Variants in ZFAND2B observed in about 807,000 individuals in gnomAD.
ZFAND2B encodes AN1-type zinc finger protein 2B.
A neutral mutation model predicts 38.2 loss-of-function variants in ZFAND2B; 27 were observed. The observed-to-expected ratio is 0.71, with a 90% CI of 0.52 to 0.97. The LOEUF (loss-of-function observed/expected upper bound fraction) is 0.97. Ranked by LOEUF, ZFAND2B falls within the 50% of genes least tolerant of loss-of-function variation. The probability of loss-of-function intolerance (pLI) is 0.00; values close to 1 mark genes in which losing one functional copy is unlikely to be tolerated. For missense variants in ZFAND2B, 303 were observed against 331.5 expected, an observed-to-expected ratio of 0.91 and a Z score of 0.67; for synonymous variants, 111 against 119.4, an observed-to-expected ratio of 0.93 and a Z score of 0.46.
rs1950491746 is a variant in ZFAND2B at position 219,206,925 on chromosome 2, G to A, written c.-63G>A. On this transcript the variant is annotated 5_prime_UTR_variant, in exon 1 of 9. Coordinates refer to ENST00000289528, the MANE Select transcript of ZFAND2B (RefSeq NM_138802.3). ...TGCGGGGTCGCGGTGCGGACTTCGA[G>A]CACGAGCCCTAAAGACGCTCAGCAC... The A allele has an allele frequency of 1.3e-6, 2 of 1,575,150 alleles. No individual in the cohort carries two copies. The highest frequency in any genetic ancestry group is 1.4e-5 in the African/African-American group (1 of 73,818).
At position 219,208,306 on chromosome 2, in the gene ZFAND2B, C is replaced by T. The variant is rs1287142230; in HGVS notation, c.485C>T (p.Pro162Leu). 6.2e-7 allele frequency: 1 copy of T among 1,614,044 alleles called. No homozygotes were observed. Among genetic ancestry groups the T allele is most frequent in the Non-Finnish European group, 8.5e-7 (1 of 1,180,046 alleles). Residue 162 changes from proline to leucine, a missense_variant, in exon 5 of 9, where the codon CCC becomes CTC. Coordinates refer to ENST00000289528, the MANE Select transcript of ZFAND2B (RefSeq NM_138802.3). ...GCTGTGGCTTCTACAAGCACTGTCC[C>T]CAGCCCAAGTCAAACCATGCCTTCC... Reference protein sequence around the residue: ...AQAVASTSTVPSPSQTMPSCT... With the variant: ...AQAVASTSTVLSPSQTMPSCT...
chr2:219,208,823 A>T, intron 7 of ZFAND2B, 154 bp from the exon 8 acceptor site: 1 of 1,034,130 alleles, frequency 9.7e-7, no homozygotes, highest in South Asian at 1.5e-5. Flanking sequence ...CCTCTATAAA[A>T]CGGGGACAAT....
Position 219,209,560 on chromosome 2 carries a change from C to G in ZFAND2B, c.*254C>G, listed in dbSNP as rs1950547054. 1 of 693,006 alleles carries G rather than the reference C, an allele frequency of 1.4e-6. No individual in the cohort carries two copies. The allele number at this position is 693,006 out of a possible 1,614,324, so 42.9% of individuals were successfully genotyped here. ...CCTACTCTTAGCCCCTTCATCATGT[C>G]ATCTCCCTTATGCTGGAGCTGCCCC... On this transcript the variant is annotated 3_prime_UTR_variant, in exon 9 of 9. Coordinates refer to ENST00000289528, the MANE Select transcript of ZFAND2B (RefSeq NM_138802.3).
In ZFAND2B at chr2:219,207,310, C is replaced by T. The variant is rs930447486; in HGVS notation, c.56-17C>T. 6.2e-7 allele frequency: 1 copy of T among 1,612,780 alleles called. No homozygotes were observed. The highest frequency in any genetic ancestry group is 8.5e-7 in the Non-Finnish European group (1 of 1,178,776). On this transcript the variant is annotated splice_polypyrimidine_tract_variant and intron_variant, in intron 1 of 8. Transcript: ENST00000289528. ...TCGAGGTCCCGCTGGACCTGCAATC[C>T]GACCAACTCTTTGCAGATTTTCTGC...
In ZFAND2B at chr2:219,208,593, C is replaced by T. The variant is rs745481290; in HGVS notation, c.610C>T (p.Arg204Trp). The T allele has an allele frequency of 2.5e-6, 4 of 1,614,146 alleles. No homozygotes were observed. The highest frequency in any genetic ancestry group is 2.2e-5 in the East Asian group (1 of 44,890). The change falls in exon 7 of 9, where the codon CGG becomes TGG. Residue 204 changes from arginine to tryptophan, a missense_variant. Physicochemically the swap from Arg to Trp is moderately radical, Grantham distance 101. Transcript: ENST00000289528. ...GTAGAGTGAGGATGAAGCTCTGCAGCGGGCCCTGGAAATGTCCCTGGCAGA... is the reference window on the plus strand; with the variant it reads ...GTAGAGTGAGGATGAAGCTCTGCAGTGGGCCCTGGAAATGTCCCTGGCAGA... ...NGLSEDEALQ[R>W]ALEMSLAETK... is the part of the protein sequence containing the mutation.
Position 219,209,161 on chromosome 2 carries a change from C to T in ZFAND2B, c.730-101C>T, listed in dbSNP as rs1227332225. 3 of 1,574,196 alleles carry T rather than the reference C, an allele frequency of 1.9e-6. No homozygotes were observed. The Admixed American group carries it at 5.3e-5, about 28-fold the overall frequency. On this transcript the variant is annotated intron_variant, in intron 8 of 8. Coordinates refer to ENST00000289528, the MANE Select transcript of ZFAND2B (RefSeq NM_138802.3). Reference sequence around the variant, plus strand: ...GGAATGGTGGTTATCGTCTGGTTTTCAGTATGACTCCAGCCCATGCTGAGC... The same window carrying T: ...GGAATGGTGGTTATCGTCTGGTTTTTAGTATGACTCCAGCCCATGCTGAGC...
chr2:219,207,372 C>T lies in ZFAND2B; in HGVS notation c.101C>T (p.Ala34Val). 6.2e-7 allele frequency: 1 copy of T among 1,613,474 alleles called. No individual in the cohort carries two copies. The highest frequency in any genetic ancestry group is 8.5e-7 in the Non-Finnish European group (1 of 1,179,430). ...KCDACSGIFC[A>V]DHVAYAQHHC... ...GATGCCTGCTCAGGCATCTTCTGCG[C>T]AGACCATGTGGCCTACGCCCAGCAT... Residue 34 changes from alanine (A) to valine (V), a missense_variant, in exon 2 of 9, where the codon GCA (alanine) becomes GTA (valine). Transcript: ENST00000289528.
At position 219,207,030 on chromosome 2, in the gene ZFAND2B, T is replaced by A; in HGVS notation, c.43T>A (p.Cys15Ser). 1 of 1,607,708 alleles carries A rather than the reference T, an allele frequency of 6.2e-7. No homozygotes were observed. Among genetic ancestry groups the A allele is most frequent in the Non-Finnish European group, 8.5e-7 (1 of 1,177,738 alleles). The change falls in exon 1 of 9, where the codon TGT becomes AGT. Residue 15 changes from cysteine to serine, a missense_variant. Coordinates refer to ENST00000289528, the MANE Select transcript of ZFAND2B (RefSeq NM_138802.3). ...DLGAHCSEPSCQRLDFLPLKC... is the reference protein window; with the variant it reads ...DLGAHCSEPSSQRLDFLPLKC... ...CGGCGCTCACTGTTCGGAGCCGAGC[T>A]GTCAGCGCTTGGGTGAGGGGCGGAG...
intron 8 of ZFAND2B, 40 bp from the exon 9 acceptor site, chr2:219,209,222 T>TG (rs761835865): frequency 6.3e-7 from 1 of 1,590,850 alleles, no homozygotes; most frequent in Non-Finnish European, 8.6e-7. Flanking sequence ...TCCTTGACGT[T>TG]GCACTGTGTC....
intron 7 of ZFAND2B, 76 bp downstream of exon 7, chr2:219,208,715 T>A: frequency 6.6e-7 from 1 of 1,516,738 alleles, no homozygotes; most frequent in South Asian, 1.1e-5. Flanking sequence ...GTGGGACCAC[T>A]CTGACACAAT....
chr2:219,209,462 G>T lies in ZFAND2B; in HGVS notation c.*156G>T. On this transcript the variant is annotated 3_prime_UTR_variant, in exon 9 of 9. Coordinates refer to ENST00000289528, the MANE Select transcript of ZFAND2B (RefSeq NM_138802.3). ...TGGGAGCCTCTGGAAGGCCTTGCTA[G>T]TGCTCCAGCTGCATGGAAGAGAGCG... is the stretch of plus-strand genomic sequence containing the variant. The T allele has an allele frequency of 1.1e-6, 1 of 876,458 alleles. No homozygotes were observed. 54.3% of individuals were successfully genotyped at this position (876,458 alleles called of 1,614,324 possible). A position where few individuals can be genotyped will look rare whatever the true frequency, so the allele number is the denominator to read the frequency against.
chr2:219,208,641 T>C lies in ZFAND2B; in HGVS notation c.656+2T>C, dbSNP rs1950528138. Reference sequence around the variant, plus strand: ...AGAAACCAAACCCCAGGTTCCAAGGTACCTTACCCTCTTGTGAAAGAGAGC... The same window carrying C: ...AGAAACCAAACCCCAGGTTCCAAGGCACCTTACCCTCTTGTGAAAGAGAGC... On this transcript the variant is annotated splice_donor_variant, in intron 7 of 8. Transcript: ENST00000289528. LOFTEE classifies it high-confidence loss of function. The C allele has an allele frequency of 6.2e-7, 1 of 1,613,810 alleles. No homozygotes were observed. The highest frequency in any genetic ancestry group is 1.3e-5 in the African/African-American group (1 of 74,928).
At chr2:219,207,575 C>G in intron 2 of ZFAND2B, 73 bp from the exon 3 acceptor site, 1 of 1,602,152 alleles carries the variant, frequency 6.2e-7, no homozygotes, top group Non-Finnish European at 8.5e-7. Context: ...TGGGTCATAT[C>G]CAAGTTCTTT....
chr2:219,207,123 C>T, intron 1 of ZFAND2B, 81 bp downstream of exon 1: 1 of 1,151,300 alleles, frequency 8.7e-7, no homozygotes, highest in Non-Finnish European at 1.2e-6. Flanking sequence ...GGTGGGCTCC[C>T]AGGCTGGCAA....
At chr2:219,208,092 ACT>A in intron 4 of ZFAND2B, 54 bp downstream of exon 4, 1 of 1,612,418 alleles carries the variant, frequency 6.2e-7, no homozygotes, top group Middle Eastern at 1.7e-4. Flanking sequence ...TTTGGAACTG[ACT>A]CAAGCTCTGT....
At position 219,209,380 on chromosome 2, in the gene ZFAND2B, G is replaced by A. The variant is rs1322889018; in HGVS notation, c.*74G>A. 6.5e-7 allele frequency: 1 copy of A among 1,546,566 alleles called. No homozygotes were observed. ...CACACCTCTAGGGTACACAGGGAGAGGAGGCCCGGAGCACCCTGGAGGGCA... is the reference window on the plus strand; with the variant it reads ...CACACCTCTAGGGTACACAGGGAGAAGAGGCCCGGAGCACCCTGGAGGGCA... On this transcript the variant is annotated 3_prime_UTR_variant, in exon 9 of 9. Transcript: ENST00000289528.
chr2:219,207,106 A>C, intron 1 of ZFAND2B, 64 bp downstream of exon 1: 8 of 1,079,434 alleles, frequency 7.4e-6, no homozygotes, highest in Non-Finnish European at 1.0e-5. Context: ...GCAGGTTGGG[A>C]GGGAAGGGTG....
chr2:219,207,191 C>A, intron 1 of ZFAND2B, 136 bp from the exon 2 acceptor site: 1 of 1,370,114 alleles, frequency 7.3e-7, no homozygotes, highest in Non-Finnish European at 1.0e-6. Context: ...GGGGGCGTGG[C>A]CAAGGAGGTA....
In ZFAND2B at chr2:219,209,546, C is replaced by A. The variant is rs947004855; in HGVS notation, c.*240C>A. ...GATGCTGGCCAGGCCCTACTCTTAG[C>A]CCCTTCATCATGTCATCTCCCTTAT... On this transcript the variant is annotated 3_prime_UTR_variant, in exon 9 of 9. Coordinates refer to ENST00000289528, the MANE Select transcript of ZFAND2B (RefSeq NM_138802.3). 3 of 699,352 alleles carry A rather than the reference C, an allele frequency of 4.3e-6. No homozygotes were observed. Among genetic ancestry groups the A allele is most frequent in the East Asian group, 2.8e-5 (1 of 35,550 alleles). 43.3% of individuals were successfully genotyped at this position (699,352 alleles called of 1,614,324 possible).
Sources: gnomAD v4.1 joint callset for allele counts on GRCh38, gnomAD v4.1.1 for gene constraint, MANE v1.5 for transcripts, NCBI Gene and HGNC (gene_info 2026-07-23, HGNC 2026-07-21) for gene names.